Variants in CBR4 observed in about 807,000 individuals in gnomAD.
CBR4 encodes carbonyl reductase 4.
CBR4 carries 22 observed loss-of-function variants against 21.0 expected under a neutral mutation model. That is an observed-to-expected ratio of 1.05 (90% confidence interval 0.75 to 1.50). CBR4 has a LOEUF of 1.50. Ranked by LOEUF, CBR4 falls within the 40% of genes most tolerant of loss-of-function variation. The probability of loss-of-function intolerance (pLI) is 0.00; values close to 1 mark genes in which losing one functional copy is unlikely to be tolerated. For missense variants in CBR4, 302 were observed against 286.3 expected, an observed-to-expected ratio of 1.05 and a Z score of -0.40; for synonymous variants, 100 against 104.4, an observed-to-expected ratio of 0.96 and a Z score of 0.26.
chr4:168,896,508 T>A, intron 2 of CBR4: 1 of 1,165,366 alleles, frequency 8.6e-7, no homozygotes, highest in Non-Finnish European at 1.2e-6. Context: ...TTCTTATTAT[T>A]TCTATTATTA....
intron 2 of CBR4, among the ~76,000 whole-genome samples, chr4:168,929,190 TACAC>T (rs138874337): frequency 4.0e-5 from 6 of 151,356 alleles, no homozygotes; most frequent in East Asian, 1.9e-4. Context: ...AATGAGATAT[TACAC>T]ACACACACAC....
chr4:168,961,966 AG>A (rs1390249346), intron 2 of CBR4, among the ~76,000 whole-genome samples: 1 of 17,652 alleles, frequency 5.7e-5, no homozygotes, highest in East Asian at 0.028. Flanking sequence ...AGGAGAGGAG[AG>A]GAGAGGAGAG....
exon 3 of CBR4, chr4:168,894,733 TCTTC>T: frequency 2.5e-6 from 4 of 1,582,746 alleles, no homozygotes; most frequent in Non-Finnish European, 3.4e-6. Context: ...CCCTTTTCCA[TCTTC>T]CTTATGGATA....
chr4:168,921,085 CA>C (rs1236914894), intron 2 of CBR4, among the ~76,000 whole-genome samples: 1 of 151,966 alleles, frequency 6.6e-6, no homozygotes, highest in Non-Finnish European at 1.5e-5. Flanking sequence ...AAGTTTTAAG[CA>C]AAAGAGTAAC....
At position 168,903,791 on chromosome 4, in the gene CBR4, C is replaced by G. The variant is rs1464837952; in HGVS notation, n.170-9026G>C. On this transcript the variant is annotated intron_variant and non_coding_transcript_variant, in intron 2 of 3. Coordinates refer to the CBR4 transcript ENST00000509108. ...TTTAAAGATGGGAAGCAGATCTCTC[C>G]AAAGAGTGATCACTACACCATTCAA... is the stretch of plus-strand genomic sequence containing the variant. 1 of 1,611,102 alleles carries G rather than the reference C, an allele frequency of 6.2e-7. No individual in the cohort carries two copies. Among genetic ancestry groups the G allele is most frequent in the Admixed American group, 1.7e-5 (1 of 60,004 alleles).
chr4:168,989,896 A>T lies in CBR4; in HGVS notation c.*254T>A. On this transcript the variant is annotated 3_prime_UTR_variant, in exon 5 of 5. Transcript: ENST00000306193. Reference sequence around the variant, plus strand: ...AATTGTGTATTTTAAATGTGTGATTATATGGTATGTGAATTGTATCTCATG... The same window carrying T: ...AATTGTGTATTTTAAATGTGTGATTTTATGGTATGTGAATTGTATCTCATG... 1 of 1,118,886 alleles carries T rather than the reference A, an allele frequency of 8.9e-7. No individual in the cohort carries two copies. The highest frequency in any genetic ancestry group is 1.1e-6 in the Non-Finnish European group (1 of 912,196). The allele number at this position is 1,118,886 out of a possible 1,614,324, so 69.3% of individuals were successfully genotyped here.
chr4:168,957,046 AT>A (rs903823403), intron 2 of CBR4, among the ~76,000 whole-genome samples: 1 of 152,218 alleles, frequency 6.6e-6, no homozygotes, highest in African/African-American at 2.4e-5. Flanking sequence ...AATTTCAAAT[AT>A]GCCCACAGAT....
Position 168,927,937 on chromosome 4 carries a change from T to G in CBR4, n.170-33172A>C, listed in dbSNP as rs886059214. 1.0e-5 allele frequency: 2 copies of G among 199,898 alleles called. No individual in the cohort carries two copies. The highest frequency in any genetic ancestry group is 2.1e-5 in the Non-Finnish European group (2 of 96,720). 12.4% of individuals were successfully genotyped at this position (199,898 alleles called of 1,614,324 possible). A position where few individuals can be genotyped will look rare whatever the true frequency, so the allele number is the denominator to read the frequency against. ...TTTCATTATTTATAAGTGGCCTCTC[T>G]TAGCTCAGTTACTCAATTCATACGT... On this transcript the variant is annotated intron_variant and non_coding_transcript_variant, in intron 2 of 3. Coordinates refer to the CBR4 transcript ENST00000509108.
chr4:168,977,689 C>A (rs1464161122), intron 2 of CBR4, among the ~76,000 whole-genome samples: 1 of 152,196 alleles, frequency 6.6e-6, no homozygotes, highest in East Asian at 1.9e-4. Context: ...CTCCAAAGCA[C>A]CTGAAATCAG....
intron 2 of CBR4, among the ~76,000 whole-genome samples, chr4:168,922,865 C>A (rs571773010): frequency 6.6e-6 from 1 of 152,142 alleles, no homozygotes; most frequent in East Asian, 1.9e-4. Flanking sequence ...TGTCAGAAGA[C>A]GGTGATGCAC....
intron 4 of CBR4, among the ~76,000 whole-genome samples, chr4:168,996,322 T>C (rs1230843972): frequency 6.6e-6 from 1 of 152,126 alleles, no homozygotes; most frequent in African/African-American, 2.4e-5. Flanking sequence ...TTTAAAAAAT[T>C]TATAAACTTT....
chr4:168,975,390 G>A (rs779307353), intron 2 of CBR4, among the ~76,000 whole-genome samples: 1 of 152,218 alleles, frequency 6.6e-6, no homozygotes, highest in Admixed American at 6.5e-5. Context: ...TATGTTAGCA[G>A]TGAAGTTGTC....
At chr4:168,944,833 C>T (rs1763359858) in intron 2 of CBR4, among the ~76,000 whole-genome samples, 1 of 152,108 alleles carries the variant, frequency 6.6e-6, no homozygotes, top group African/African-American at 2.4e-5. Flanking sequence ...TCAATTGTTT[C>T]TTACTGACTC....
chr4:168,972,734 G>A (rs1764247892), intron 2 of CBR4, among the ~76,000 whole-genome samples: 1 of 152,188 alleles, frequency 6.6e-6, no homozygotes, highest in Non-Finnish European at 1.5e-5. Flanking sequence ...AACGGTGACA[G>A]TTTGACTTCC....
intron 2 of CBR4, among the ~76,000 whole-genome samples, chr4:168,912,245 G>T (rs188384796): frequency 2.0e-4 from 31 of 152,320 alleles, no homozygotes; most frequent in African/African-American, 7.0e-4. Flanking sequence ...GCCAATGGGA[G>T]AATTTTATTC....
intron 2 of CBR4, among the ~76,000 whole-genome samples, chr4:168,934,781 T>C (rs1317675678): frequency 6.6e-6 from 1 of 152,150 alleles, no homozygotes; most frequent in Non-Finnish European, 1.5e-5. Context: ...CCAATTCTTC[T>C]CAAACTATTC....
chr4:168,896,664 T>C (rs1014056261), intron 2 of CBR4: 3 of 860,280 alleles, frequency 3.5e-6, no homozygotes, highest in Admixed American at 4.5e-5. Context: ...CTGTTCTTCC[T>C]GTTTTACGTG....
At chr4:168,943,094 G>A (rs190336350) in intron 2 of CBR4, among the ~76,000 whole-genome samples, 14 of 152,308 alleles carry the variant, frequency 9.2e-5, no homozygotes, top group Middle Eastern at 3.4e-3. Context: ...ACTACCATAC[G>A]ATTAAGCAAT....
At chr4:168,960,727 G>T (rs1763825239) in intron 2 of CBR4, among the ~76,000 whole-genome samples, 1 of 152,074 alleles carries the variant, frequency 6.6e-6, no homozygotes, top group African/African-American at 2.4e-5. Context: ...TTAAATCCAT[G>T]TACTTTCTTA....
Sources: gnomAD v4.1 joint callset for allele counts (sites outside exome capture counted in the v4.1 genomes callset) on GRCh38, gnomAD v4.1.1 for gene constraint, MANE v1.5 for transcripts, NCBI Gene and HGNC (gene_info 2026-07-23, HGNC 2026-07-21) for gene names.